Variants in FASN observed in about 807,000 individuals in gnomAD.
FASN encodes 3-hydroxyacyl-[acyl-carrier-protein] dehydratase.
FASN carries 50 observed loss-of-function variants against 250.0 expected under a neutral mutation model. The observed-to-expected ratio is 0.20, with a 90% CI of 0.16 to 0.25. FASN has a LOEUF of 0.25. Ranked by LOEUF, FASN falls within the 10% of genes least tolerant of loss-of-function variation. The pLI is 1.00. For missense variants in FASN, 3,031 were observed against 3,498.5 expected (o/e 0.87, Z 3.37); for synonymous variants, 1,909 against 1,584.0 (o/e 1.21, Z -4.87).
chr17:82,086,929 G>T, intron 21 of FASN, 121 bp downstream of exon 21: 1 of 1,096,020 alleles, frequency 9.1e-7, no homozygotes, highest in Non-Finnish European at 1.3e-6. Context: ...CCGGAGGGTT[G>T]GGCTAGGGTT....
rs201408826 is a variant in FASN at position 82,084,991 on chromosome 17, G to A, written c.4410-38C>T. 371 of 1,580,396 alleles carry A rather than the reference G, an allele frequency of 2.3e-4. No homozygotes were observed. The African/African-American group carries it at 4.7e-3, about 20-fold the overall frequency. ...GCGGGGAGCTCAGGCTGGGGATGGG[G>A]AGGCTGGTGGGGAAGGGGAAGTGGT... On this transcript the variant is annotated intron_variant, in intron 25 of 42. Transcript: ENST00000306749.
rs750496157 is a variant in FASN at position 82,083,474 on chromosome 17, C to T, written c.5341+43G>A. 8.7e-6 allele frequency: 14 copies of T among 1,612,602 alleles called. No individual in the cohort carries two copies. In the South Asian group the frequency reaches 1.3e-4, roughly 15 times the overall value. Reference sequence around the variant, plus strand: ...CCAGGGCCTTCCACAGGTCCACCCACACCCATCCATGCCCACCCCCGCCCA... The same window carrying T: ...CCAGGGCCTTCCACAGGTCCACCCATACCCATCCATGCCCACCCCCGCCCA... On this transcript the variant is annotated intron_variant, in intron 31 of 42. Coordinates refer to ENST00000306749, the MANE Select transcript of FASN (RefSeq NM_004104.5).
Position 82,092,741 on chromosome 17 carries a change from G to A in FASN, c.850C>T (p.Pro284Ser), listed in dbSNP as rs779194063. ...RSLYQSAGVAPESFEYIEAHG... is the reference protein window; with the variant it reads ...RSLYQSAGVASESFEYIEAHG... ...GCTTCGATGTATTCAAATGACTCAG[G>A]GGCCACTCCGGCCGACTGGTACAAC... Residue 284 changes from proline to serine, a missense_variant, in exon 7 of 43, where the codon CCT becomes TCT. By Grantham distance (74) the Pro-to-Ser change is moderately conservative. Coordinates refer to ENST00000306749, the MANE Select transcript of FASN (RefSeq NM_004104.5). The A allele has an allele frequency of 1.2e-6, 2 of 1,604,940 alleles. No homozygotes were observed. Among genetic ancestry groups the A allele is most frequent in the East Asian group, 2.2e-5 (1 of 44,546 alleles).
In FASN at chr17:82,089,889, G is replaced by A. The variant is rs57686731; in HGVS notation, c.1871-163C>T. Among the ~76,000 whole-genome samples, 1,047 of 152,284 alleles carry A rather than the reference G, an allele frequency of 6.9e-3. 73 individuals are homozygous for A. In the East Asian group the frequency reaches 0.18, roughly 25 times the overall value. ...GTTCGCCCCCTGCTGTGTTTGACCCGTGGGTGGAGGTGTCATTACAGAGCT... is the reference window on the plus strand; with the variant it reads ...GTTCGCCCCCTGCTGTGTTTGACCCATGGGTGGAGGTGTCATTACAGAGCT... On this transcript the variant is annotated intron_variant, in intron 11 of 42. Coordinates refer to ENST00000306749, the MANE Select transcript of FASN (RefSeq NM_004104.5).
chr17:82,084,482 G>A lies in FASN; in HGVS notation c.4768+31C>T, dbSNP rs779706172. ...GCTGGGGTCTCTGCTCCCCGGCCCA[G>A]TCCACTCCCACGGCCCCATGCCACC... On this transcript the variant is annotated intron_variant, in intron 27 of 42. Transcript: ENST00000306749. 7 of 1,594,068 alleles carry A rather than the reference G, an allele frequency of 4.4e-6. 2 individuals are homozygous for A. The South Asian group carries it at 6.8e-5, about 15-fold the overall frequency.
rs372826234 is a variant in FASN at position 82,079,618 on chromosome 17, C to T, written c.7147-10G>A. 19 of 1,598,404 alleles carry T rather than the reference C, an allele frequency of 1.2e-5. No homozygotes were observed. The highest frequency in any genetic ancestry group is 3.3e-4 in the Middle Eastern group (2 of 6,078). ...GCAGCGCCTCCAGCACCTGTGGGGTCGGGCTCTGAGCAGGTGCTGGCAGCA... is the reference window on the plus strand; with the variant it reads ...GCAGCGCCTCCAGCACCTGTGGGGTTGGGCTCTGAGCAGGTGCTGGCAGCA... On this transcript the variant is annotated splice_polypyrimidine_tract_variant and intron_variant, in intron 41 of 42. Coordinates refer to ENST00000306749, the MANE Select transcript of FASN (RefSeq NM_004104.5).
At chr17:82,082,455 C>T in intron 34 of FASN, 41 bp from the exon 35 acceptor site, 1 of 1,611,874 alleles carries the variant, frequency 6.2e-7, no homozygotes. Flanking sequence ...GCTCCAGGGC[C>T]TCACCCGTCC....
intron 1 of FASN, 54 bp downstream of exon 1, chr17:82,098,067 G>A (rs1203253990): frequency 1.2e-5 from 4 of 325,344 alleles, no homozygotes; most frequent in Non-Finnish European, 2.2e-5. Context: ...CGGGAACCCC[G>A]GGCCCAGCCC....
rs1283246418 is a variant in FASN, at chr17:82,091,672, G to A, written c.1042C>T (p.Leu348=). ...LAALAKVLLS[L]EHGLWAPNLH... is the part of the protein sequence containing the mutation. ...TTGGGGGCCCAGAGCCCGTGCTCCA[G>A]GGACAGCAGCACCTGCGGGGGTACG... Residue 348 remains leucine, a synonymous_variant, in exon 9 of 43, where the codon CTG becomes TTG. Coordinates refer to ENST00000306749, the MANE Select transcript of FASN (RefSeq NM_004104.5). 1.9e-6 allele frequency: 3 copies of A among 1,585,348 alleles called. No individual in the cohort carries two copies. The highest frequency in any genetic ancestry group is 2.3e-5 in the East Asian group (1 of 43,864).
chr17:82,095,262 C>T (rs957435380), intron 3 of FASN, 58 bp downstream of exon 3: 51 of 1,577,834 alleles, frequency 3.2e-5, no homozygotes, highest in Admixed American at 1.3e-4. Context: ...GAAAACACTG[C>T]CTATTCCACG....
chr17:82,088,098 T>A lies in FASN; in HGVS notation c.2785+18A>T. 1 of 1,612,684 alleles carries A rather than the reference T, an allele frequency of 6.2e-7. No homozygotes were observed. Among genetic ancestry groups the A allele is most frequent in the Non-Finnish European group, 8.5e-7 (1 of 1,179,924 alleles). ...CGCCCCCCAGCTACCCCCGCCTTGG[T>A]CCTGGGGTACCCCTCACCAGTCTTG... is the stretch of plus-strand genomic sequence containing the variant. On this transcript the variant is annotated intron_variant, in intron 17 of 42. Coordinates refer to ENST00000306749, the MANE Select transcript of FASN (RefSeq NM_004104.5).
rs766010518 is a variant in FASN, at chr17:82,084,111, C to T, written c.4962G>A (p.Thr1654=). ...CACGCACCACCAGCGCGTAGTAGGC[C>T]GTGCTGTAGACGACAGGCACCGAGG... The part of the protein sequence containing the change: ...EAASVPVVYS[T]AYYALVVRGR... The change falls in exon 29 of 43, where the codon ACG becomes ACA. Residue 1654 remains threonine (T), a synonymous_variant. Transcript: ENST00000306749. 4.0e-5 allele frequency: 63 copies of T among 1,576,672 alleles called. No individual in the cohort carries two copies. The highest frequency in any genetic ancestry group is 1.1e-4 in the Admixed American group (6 of 54,212).
At chr17:82,090,735 T>C in intron 10 of FASN, 147 bp downstream of exon 10, 2 of 1,088,158 alleles carry the variant, frequency 1.8e-6, no homozygotes, top group Non-Finnish European at 1.4e-6. Flanking sequence ...AGACCCCTCC[T>C]CCCCTCCCGT....
In FASN at chr17:82,087,245, C is replaced by T. The variant is rs146146551; in HGVS notation, c.3232G>A (p.Val1078Met). Residue 1078 changes from valine to methionine, a missense_variant, in exon 21 of 43, where the codon GTG becomes ATG. Val to Met is a conservative substitution (Grantham distance 21). Transcript: ENST00000306749. ...ACCCTCAGCCACCTGCTCACCACCA[C>T]GTCAGCCACTGTGGGGACAGGCTGG... ...TLQDKAQVAD[V>M]VVSRWLRVTV... The T allele has an allele frequency of 5.2e-4, 833 of 1,606,946 alleles. 1 individual carries two copies. Among genetic ancestry groups the T allele is most frequent in the South Asian group, 2.7e-3 (241 of 90,224 alleles).
Position 82,083,121 on chromosome 17 carries a change from T to G in FASN, c.5566-6A>C, listed in dbSNP as rs768554044. Reference sequence around the variant, plus strand: ...TCCGGCTCCTCCGCAAGCACCTGCGTCCAAGCAGCACCCACCGGCTCAGGC... The same window carrying G: ...TCCGGCTCCTCCGCAAGCACCTGCGGCCAAGCAGCACCCACCGGCTCAGGC... On this transcript the variant is annotated splice_region_variant and splice_polypyrimidine_tract_variant and intron_variant, in intron 32 of 42. Coordinates refer to ENST00000306749, the MANE Select transcript of FASN (RefSeq NM_004104.5). 11 of 1,609,930 alleles carry G rather than the reference T, an allele frequency of 6.8e-6. No individual in the cohort carries two copies. The highest frequency in any genetic ancestry group is 1.3e-5 in the African/African-American group (1 of 74,862).
At chr17:82,097,336 C>T (rs1006629443) in intron 1 of FASN, 1 of 152,622 alleles carries the variant, frequency 6.6e-6, no homozygotes, top group African/African-American at 2.4e-5. Context: ...GGCTCCTCCT[C>T]CAGCATGAGG....
chr17:82,086,518 C>G lies in FASN; in HGVS notation c.3468G>C (p.Gly1156=), dbSNP rs749841280. 6.2e-7 allele frequency: 1 copy of G among 1,612,344 alleles called. No homozygotes were observed. Among genetic ancestry groups the G allele is most frequent in the South Asian group, 1.1e-5 (1 of 91,078 alleles). ...CCAGTCCGGGCACCACCATCTTCAG[C>G]CCCTGCTGGGTCACCTTGGTCTGCA... ...QALQTKVTQQ[G]LKMVVPGLDG... Residue 1156 remains glycine (G), a synonymous_variant, in exon 22 of 43, where the codon GGG becomes GGC. Coordinates refer to ENST00000306749, the MANE Select transcript of FASN (RefSeq NM_004104.5).
rs200775885 is a variant in FASN, at chr17:82,085,075, C to T, written c.4369G>A (p.Val1457Met). 9.3e-6 allele frequency: 15 copies of T among 1,612,506 alleles called. No homozygotes were observed. The East Asian group carries it at 3.3e-4, about 36-fold the overall frequency. The change falls in exon 25 of 43, where the codon GTG (valine) becomes ATG (methionine). Residue 1457 changes from valine (V) to methionine (M), a missense_variant. Val to Met is a conservative substitution (Grantham distance 21). Coordinates refer to ENST00000306749, the MANE Select transcript of FASN (RefSeq NM_004104.5). ...CCGGGCTCTCGGCGGAGACAGTTCACCAAGCCCACCACGCCCGAGGTGGCA... is the reference window on the plus strand; with the variant it reads ...CCGGGCTCTCGGCGGAGACAGTTCATCAAGCCCACCACGCCCGAGGTGGCA... ...NCATSGVVGLVNCLRREPGGN... is the reference protein window; with the variant it reads ...NCATSGVVGLMNCLRREPGGN...
intron 35 of FASN, 35 bp from the exon 36 acceptor site, chr17:82,082,195 AT>A: frequency 6.2e-7 from 1 of 1,601,092 alleles, no homozygotes; most frequent in Non-Finnish European, 8.5e-7. Context: ...ATTGGCCAGC[AT>A]CCCCAGGAGC....
Sources: gnomAD v4.1 joint callset for allele counts (sites outside exome capture counted in the v4.1 genomes callset) on GRCh38, gnomAD v4.1.1 for gene constraint, MANE v1.5 for transcripts, NCBI Gene and HGNC (gene_info 2026-07-23, HGNC 2026-07-21) for gene names.